The following PTP4A1 variants were observed in gnomAD, a reference collection of about 807,000 sequenced individuals.
The protein encoded by PTP4A1 is protein tyrosine phosphatase type IVA 1.
In PTP4A1, 9 loss-of-function variants were observed where a neutral mutation model predicts 20.5. That is an observed-to-expected ratio of 0.44 (90% confidence interval 0.26 to 0.77). The LOEUF is 0.77. Ranked by LOEUF, PTP4A1 falls within the 30% of genes least tolerant of loss-of-function variation. PTP4A1 has a pLI of 0.19. For missense variants in PTP4A1, 137 were observed against 218.8 expected (o/e 0.63, Z 2.36); for synonymous variants, 78 against 67.4 (o/e 1.16, Z -0.77).
chr6:63,548,157 T>C (rs1335016914), intron 2 of PTP4A1, among the ~76,000 whole-genome samples: 1 of 152,178 alleles, frequency 6.6e-6, no homozygotes, highest in East Asian at 1.9e-4. Flanking sequence ...GATGACCCTC[T>C]CTGATTTCCC....
chr6:63,580,695 A>C lies in PTP4A1; in HGVS notation c.*521A>C, dbSNP rs994742866. On this transcript the variant is annotated 3_prime_UTR_variant, in exon 6 of 6. Coordinates refer to ENST00000626021, the MANE Select transcript of PTP4A1 (RefSeq NM_003463.5). ...CTTTATGTTTACATCTCCCACATTCATACCAATATACGTCAGGTTTGCTTA... is the reference window on the plus strand; with the variant it reads ...CTTTATGTTTACATCTCCCACATTCCTACCAATATACGTCAGGTTTGCTTA... The C allele has an allele frequency of 1.3e-5, 2 of 152,026 alleles. No homozygotes were observed. The highest frequency in any genetic ancestry group is 2.9e-5 in the Non-Finnish European group (2 of 68,080). 9.4% of individuals were successfully genotyped at this position (152,026 alleles called of 1,614,324 possible). A position where few individuals can be genotyped will look rare whatever the true frequency, so the allele number is the denominator to read the frequency against.
intron 2 of PTP4A1, among the ~76,000 whole-genome samples, chr6:63,544,565 C>G (rs1776106531): frequency 6.6e-6 from 1 of 152,002 alleles, no homozygotes; most frequent in Admixed American, 6.6e-5. Flanking sequence ...AAATAAAAAC[C>G]TGGGTCACAG....
At chr6:63,529,862 C>T (rs1176997931) in intron 2 of PTP4A1, among the ~76,000 whole-genome samples, 1 of 152,056 alleles carries the variant, frequency 6.6e-6, no homozygotes, top group Admixed American at 6.6e-5. Flanking sequence ...TAAAAATTAT[C>T]AATTAGGTGT....
At chr6:63,549,442 T>C in intron 2 of PTP4A1, 1 of 777,332 alleles carries the variant, frequency 1.3e-6, no homozygotes, top group Non-Finnish European at 2.3e-6. Context: ...TTTCTTAACC[T>C]CCTGCTTCTT....
At chr6:63,526,803 G>GTGTATA (rs1324842070) in intron 1 of PTP4A1, among the ~76,000 whole-genome samples, 4 of 101,448 alleles carry the variant, frequency 3.9e-5, no homozygotes, top group South Asian at 3.5e-4. Context: ...TCTCAAAAAT[G>GTGTATA]TATATATATA....
At chr6:63,561,773 G>A (rs1776962326) in intron 3 of PTP4A1, among the ~76,000 whole-genome samples, 1 of 152,124 alleles carries the variant, frequency 6.6e-6, no homozygotes, top group African/African-American at 2.4e-5. Flanking sequence ...ACATTTGATG[G>A]CAAACAAATA....
chr6:63,534,984 CA>C (rs1447327261), intron 2 of PTP4A1, among the ~76,000 whole-genome samples: 4 of 151,964 alleles, frequency 2.6e-5, no homozygotes, highest in Admixed American at 6.6e-5. Flanking sequence ...TGCTTAAACC[CA>C]GGAGGCAGAG....
intron 3 of PTP4A1, among the ~76,000 whole-genome samples, chr6:63,562,549 A>G (rs1283045576): frequency 6.6e-6 from 1 of 152,200 alleles, no homozygotes; most frequent in Non-Finnish European, 1.5e-5. Context: ...ACTTCAAGTG[A>G]TATCACCCAC....
At position 63,580,701 on chromosome 6, in the gene PTP4A1, A is replaced by G. The variant is rs1318320905; in HGVS notation, c.*527A>G. 1 of 152,284 alleles carries G rather than the reference A, an allele frequency of 6.6e-6. No individual in the cohort carries two copies. Among genetic ancestry groups the G allele is most frequent in the African/African-American group, 2.4e-5 (1 of 41,292 alleles). 9.4% of individuals were successfully genotyped at this position (152,284 alleles called of 1,614,324 possible). ...GTTTACATCTCCCACATTCATACCA[A>G]TATACGTCAGGTTTGCTTAACCATT... On this transcript the variant is annotated 3_prime_UTR_variant, in exon 6 of 6. Coordinates refer to ENST00000626021, the MANE Select transcript of PTP4A1 (RefSeq NM_003463.5).
In PTP4A1 at chr6:63,549,503, C is replaced by G. The variant is rs754148068; in HGVS notation, c.-639-797C>G. On this transcript the variant is annotated intron_variant, in intron 2 of 3. Coordinates refer to the PTP4A1 transcript ENST00000639568. ...TCTTTCCCTTGGCCTTCTTTCCTTT[C>G]GGCAGGAGGAGAGAGCCTGATTTAA... The G allele has an allele frequency of 5.3e-6, 4 of 748,178 alleles. No individual in the cohort carries two copies. In the South Asian group the frequency reaches 5.8e-5, roughly 11 times the overall value. 46.3% of individuals were successfully genotyped at this position (748,178 alleles called of 1,614,324 possible).
intron 3 of PTP4A1, among the ~76,000 whole-genome samples, chr6:63,552,132 TG>T (rs2149490723): frequency 6.6e-6 from 1 of 152,324 alleles, no homozygotes; most frequent in Admixed American, 6.5e-5. Flanking sequence ...ACTTCCACAA[TG>T]GTTGAACTAG....
chr6:63,530,071 GATAATAACAGT>G (rs1775388386), intron 2 of PTP4A1, among the ~76,000 whole-genome samples: 1 of 151,992 alleles, frequency 6.6e-6, no homozygotes, highest in Non-Finnish European at 1.5e-5. Flanking sequence ...ATAGGGCAAG[GATAATAACAGT>G]ATAGATTTCT....
intron 2 of PTP4A1, chr6:63,549,242 G>A: frequency 1.4e-6 from 1 of 740,268 alleles, no homozygotes; most frequent in Non-Finnish European, 2.5e-6. Flanking sequence ...CAGCTGTTTG[G>A]TGGTCCAGGG....
rs975307539 is a variant in PTP4A1, at chr6:63,549,566, G to GTT, written c.-639-724_-639-723dup. 1,089 of 494,292 alleles carry GTT rather than the reference G, an allele frequency of 2.2e-3. 6 individuals are homozygous for GTT. The highest frequency in any genetic ancestry group is 0.015 in the African/African-American group (740 of 49,952). 30.6% of individuals were successfully genotyped at this position (494,292 alleles called of 1,614,324 possible). On this transcript the variant is annotated intron_variant, in intron 2 of 3. Transcript: ENST00000639568. ...GTGATAAATGTTGACAAGATTTGAA[G>GTT]TTTTTTTTTTTAAAGAAAACCTTTA...
chr6:63,526,085 G>A (rs1021541275), intron 1 of PTP4A1, among the ~76,000 whole-genome samples: 25 of 152,166 alleles, frequency 1.6e-4, no homozygotes, highest in Middle Eastern at 3.4e-3. Context: ...AACATTTTAG[G>A]AGGCCAAGGC....
upstream of PTP4A1, chr6:63,572,429 A>T (rs1777495953): frequency 8.3e-6 from 3 of 361,086 alleles, no homozygotes; most frequent in South Asian, 4.3e-4. Context: ...TGGTGGCTGG[A>T]GGGTTGCACG....
chr6:63,548,120 C>A (rs1246039363), intron 2 of PTP4A1, among the ~76,000 whole-genome samples: 2 of 152,314 alleles, frequency 1.3e-5, no homozygotes, highest in South Asian at 2.1e-4. Flanking sequence ...TTCATGAAAG[C>A]CTTTTTTGAA....
chr6:63,544,797 T>C (rs1326324629), intron 2 of PTP4A1, among the ~76,000 whole-genome samples: 2 of 152,194 alleles, frequency 1.3e-5, no homozygotes, highest in African/African-American at 4.8e-5. Context: ...ACGTATCCTA[T>C]CAGGAAATGC....
rs750522780 is a variant in PTP4A1 at position 63,579,344 on chromosome 6, T to G, written c.404+13T>G. 1.2e-5 allele frequency: 19 copies of G among 1,569,292 alleles called. No homozygotes were observed. The highest frequency in any genetic ancestry group is 1.7e-5 in the Non-Finnish European group (19 of 1,149,210). ...AATTCATAAGACAGTAAGTAATGGA[T>G]TCTCTTTTCATTTGTACTCTCTTTC... On this transcript the variant is annotated intron_variant, in intron 5 of 5. Coordinates refer to ENST00000626021, the MANE Select transcript of PTP4A1 (RefSeq NM_003463.5).
Sources: gnomAD v4.1 joint callset for allele counts (sites outside exome capture counted in the v4.1 genomes callset) on GRCh38, gnomAD v4.1.1 for gene constraint, MANE v1.5 for transcripts, NCBI Gene and HGNC (gene_info 2026-07-23, HGNC 2026-07-21) for gene names.